The following SUMF1 variants were observed in gnomAD, a reference collection of about 807,000 sequenced individuals.
The protein encoded by SUMF1 is formylglycine-generating enzyme.
In SUMF1, 48 loss-of-function variants were observed where a neutral mutation model predicts 47.6. The ratio of observed to expected loss-of-function variants is 1.01; its 90% CI spans 0.80 to 1.28. The LOEUF is 1.28. Ranked by LOEUF, SUMF1 falls within the 50% of genes most tolerant of loss-of-function variation. The pLI is 0.00. For synonymous variants in SUMF1, 230 were observed against 192.1 expected (o/e 1.20, Z -1.63); for missense variants, 571 against 485.4 (o/e 1.18, Z -1.66).
intron 7 of SUMF1, among the ~76,000 whole-genome samples, chr3:4,394,855 AT>A (rs2124945972): frequency 6.6e-6 from 1 of 152,300 alleles, no homozygotes; most frequent in Non-Finnish European, 1.5e-5. Context: ...TGAAATCCAC[AT>A]CATCAAAGTA....
chr3:4,431,698 C>T (rs1013276257), intron 3 of SUMF1, among the ~76,000 whole-genome samples: 2 of 152,184 alleles, frequency 1.3e-5, no homozygotes, highest in Admixed American at 6.5e-5. Context: ...AGCCACCCCA[C>T]ATGACAGAAA....
At chr3:4,057,323 T>C (rs1695209715) in intron 9 of SUMF1, among the ~76,000 whole-genome samples, 1 of 152,074 alleles carries the variant, frequency 6.6e-6, no homozygotes, top group South Asian at 2.1e-4. Context: ...TCTTGTCTCC[T>C]CCTCACCATC....
At chr3:4,327,082 AG>A (rs1365063109) in intron 8 of SUMF1, among the ~76,000 whole-genome samples, 1 of 152,238 alleles carries the variant, frequency 6.6e-6, no homozygotes, top group African/African-American at 2.4e-5. Flanking sequence ...TTGGCTCACA[AG>A]GGTATACTTT....
At chr3:4,183,991 C>G (rs998568651) in intron 8 of SUMF1, among the ~76,000 whole-genome samples, 4 of 151,794 alleles carry the variant, frequency 2.6e-5, no homozygotes, top group African/African-American at 9.7e-5. Context: ...AAAAATTAGT[C>G]GGGCATTGTG....
At chr3:4,361,098 A>G (rs1035700273), downstream of SUMF1, 7 of 152,254 alleles carry the variant, frequency 4.6e-5, no homozygotes, top group African/African-American at 1.7e-4. Context: ...CTCTCTTTAA[A>G]AGAAAACATA....
chr3:4,088,438 T>A (rs1443210224), intron 8 of SUMF1, among the ~76,000 whole-genome samples: 1 of 152,070 alleles, frequency 6.6e-6, no homozygotes, highest in Non-Finnish European at 1.5e-5. Context: ...TCTCCATGTC[T>A]TTATGCAAAC....
Position 4,464,431 on chromosome 3 carries a change from T to TGTGTGTGA in SUMF1, c.270+2544_270+2545insTCACACAC, listed in dbSNP as rs1553592599. Among the ~76,000 whole-genome samples, 909 of 151,124 alleles carry TGTGTGTGA rather than the reference T, an allele frequency of 6.0e-3. 9 individuals carry two copies. Among genetic ancestry groups the TGTGTGTGA allele is most frequent in the African/African-American group, 0.021 (865 of 41,082 alleles). On this transcript the variant is annotated intron_variant, in intron 1 of 8. Transcript: ENST00000272902. The stretch of plus-strand genomic sequence containing the variant: ...GTGTGTTTGTGTGTGTGTGTGTGTG[T>TGTGTGTGA]GAGAGAGAGAGAAACACCTACCAGA...
Position 4,225,690 on chromosome 3 carries a change from G to C in SUMF1, c.1014+150640C>G, listed in dbSNP as rs147674367. Among the ~76,000 whole-genome samples the C allele has an allele frequency of 9.2e-5, 14 of 152,240 alleles. No individual in the cohort carries two copies. The East Asian group carries it at 1.7e-3, about 19-fold the overall frequency. On this transcript the variant is annotated intron_variant and NMD_transcript_variant, in intron 8 of 12. Transcript: ENST00000448413. ...CTCAGTGACCTGAATCATGAGCAGA[G>C]AGTAGAAGTCACCTGAGGTTATAAA...
intron 8 of SUMF1, among the ~76,000 whole-genome samples, chr3:4,224,486 TCA>T (rs371141334): frequency 6.6e-6 from 1 of 152,134 alleles, no homozygotes; most frequent in African/African-American, 2.4e-5. Flanking sequence ...CACCCAGAGC[TCA>T]CAGAGATAGA....
chr3:4,450,758 C>T (rs1416532107), intron 2 of SUMF1, among the ~76,000 whole-genome samples: 3 of 151,924 alleles, frequency 2.0e-5, no homozygotes, highest in Admixed American at 2.0e-4. Flanking sequence ...TGAGATGACT[C>T]AAGAATGAGA....
intron 8 of SUMF1, among the ~76,000 whole-genome samples, chr3:4,251,457 A>G (rs1202419549): frequency 6.6e-6 from 1 of 152,248 alleles, no homozygotes; most frequent in Non-Finnish European, 1.5e-5. Context: ...ATAAAGCAGC[A>G]GCAGGGTTTG....
At chr3:4,087,020 G>A (rs1032264740) in intron 8 of SUMF1, among the ~76,000 whole-genome samples, 5 of 152,038 alleles carry the variant, frequency 3.3e-5, no homozygotes, top group African/African-American at 9.7e-5. Context: ...CTAATACAAA[G>A]TACTATCATC....
intron 8 of SUMF1, among the ~76,000 whole-genome samples, chr3:4,220,829 G>A (rs907644307): frequency 1.3e-5 from 2 of 152,056 alleles, no homozygotes; most frequent in African/African-American, 4.8e-5. Flanking sequence ...TAATTTCTAA[G>A]TTGACTTCTC....
At chr3:4,305,422 T>C (rs1374588403) in intron 8 of SUMF1, among the ~76,000 whole-genome samples, 2 of 152,122 alleles carry the variant, frequency 1.3e-5, no homozygotes, top group Non-Finnish European at 2.9e-5. Flanking sequence ...GGGAGGAGAC[T>C]CCCAGCTGAC....
Position 4,131,097 on chromosome 3 carries a change from A to G in SUMF1, c.1015-62352T>C, listed in dbSNP as rs144699043. 2.6e-5 allele frequency among the ~76,000 whole-genome samples: 4 copies of G among 152,236 alleles called. No homozygotes were observed. The East Asian group carries it at 7.7e-4, about 29-fold the overall frequency. ...GGCCTGTTACTGGGCTTTGATGGAA[A>G]CTGAACATTTGACTATGCGTCATCA... is the stretch of plus-strand genomic sequence containing the variant. On this transcript the variant is annotated intron_variant and NMD_transcript_variant, in intron 8 of 12. Coordinates refer to the SUMF1 transcript ENST00000448413.
chr3:4,065,106 A>G (rs1695346768), intron 9 of SUMF1, among the ~76,000 whole-genome samples: 1 of 151,994 alleles, frequency 6.6e-6, no homozygotes, highest in East Asian at 1.9e-4. Flanking sequence ...AGGAAAATCA[A>G]CTCCTGTTTA....
rs1315412309 is a variant in SUMF1, at chr3:4,404,312, C to CT, written c.954+6552_954+6553insA. ...GCTGATATTTTGATCACCTTGCTTT[C>CT]CCCTTGGCACTTACTCTGTATAACT... is the stretch of plus-strand genomic sequence containing the variant. On this transcript the variant is annotated intron_variant, in intron 7 of 8. Coordinates refer to ENST00000272902, the MANE Select transcript of SUMF1 (RefSeq NM_182760.4). Among the ~76,000 whole-genome samples, 2 of 152,192 alleles carry CT rather than the reference C, an allele frequency of 1.3e-5. 1 individual carries two copies.
chr3:4,339,433 G>C (rs1329197126), intron 8 of SUMF1, among the ~76,000 whole-genome samples: 1 of 152,166 alleles, frequency 6.6e-6, no homozygotes, highest in Non-Finnish European at 1.5e-5. Context: ...GGAGGAGTTG[G>C]GCTGCAATGA....
chr3:4,155,984 G>T (rs1351044187), intron 8 of SUMF1, among the ~76,000 whole-genome samples: 1 of 151,208 alleles, frequency 6.6e-6, no homozygotes, highest in African/African-American at 2.5e-5. Flanking sequence ...ACCAAAGCTG[G>T]GCCCAGCAGT....
Sources: gnomAD v4.1 joint callset for allele counts (sites outside exome capture counted in the v4.1 genomes callset) on GRCh38, gnomAD v4.1.1 for gene constraint, MANE v1.5 for transcripts, NCBI Gene and HGNC (gene_info 2026-07-23, HGNC 2026-07-21) for gene names.